Variants in SEMA5B observed in about 807,000 individuals in gnomAD.
SEMA5B encodes the protein semaphorin-5B.
A neutral mutation model predicts 135.0 loss-of-function variants in SEMA5B; 66 were observed. The observed-to-expected ratio is 0.49, with a 90% CI of 0.40 to 0.60. The LOEUF is 0.60. Among genes scored for constraint, SEMA5B ranks in the 20% least tolerant of loss-of-function variants. The probability of loss-of-function intolerance (pLI) is 0.00; values close to 1 mark genes in which losing one functional copy is unlikely to be tolerated. For missense variants in SEMA5B, 1,501 were observed against 1,566.3 expected (o/e 0.96, Z 0.70); for synonymous variants, 690 against 639.5 (o/e 1.08, Z -1.19).
chr3:122,966,559 TA>T (rs1468574317), intron 1 of SEMA5B, among the ~76,000 whole-genome samples: 2,709 of 149,334 alleles, frequency 0.018, 114 homozygotes, highest in African/African-American at 0.055. Flanking sequence ...TTATTATTAT[TA>T]TTATTATTTT....
chr3:122,985,722 C>T (rs548096708), intron 1 of SEMA5B, among the ~76,000 whole-genome samples: 6 of 152,202 alleles, frequency 3.9e-5, no homozygotes, highest in African/African-American at 7.2e-5. Flanking sequence ...GGTGTGAGCT[C>T]GGAGAAAGCT....
chr3:122,969,088 G>A (rs1941004866), intron 1 of SEMA5B, among the ~76,000 whole-genome samples: 1 of 152,162 alleles, frequency 6.6e-6, no homozygotes, highest in Non-Finnish European at 1.5e-5. Flanking sequence ...CAGACAGTGT[G>A]CTAATTATTT....
At chr3:122,955,058 TC>T (rs1483398526) in intron 2 of SEMA5B, among the ~76,000 whole-genome samples, 1 of 150,526 alleles carries the variant, frequency 6.6e-6, no homozygotes, top group Non-Finnish European at 1.5e-5. Context: ...CACCTCAACC[TC>T]CCAAAATGCT....
chr3:122,916,029 C>T (rs1938060507), intron 12 of SEMA5B, 139 bp from the exon 13 acceptor site: 2 of 668,238 alleles, frequency 3.0e-6, no homozygotes, highest in South Asian at 3.5e-5. Context: ...GTTCATTGGG[C>T]CTTTACTGTG....
At chr3:122,961,394 AC>A in intron 1 of SEMA5B, 93 bp from the exon 2 acceptor site, 1 of 1,100,836 alleles carries the variant, frequency 9.1e-7, no homozygotes, top group Non-Finnish European at 1.3e-6. Context: ...CCCAGGGACC[AC>A]ATGGTTGCTG....
rs572301026 is a variant in SEMA5B, at chr3:122,933,488, C to T, written c.475-4430G>A. Reference sequence around the variant, plus strand: ...TTTAGGCTCTGGAAACTTTTAGGATCTTCTCCTTAATAACAGTGTCCTGAA... The same window carrying T: ...TTTAGGCTCTGGAAACTTTTAGGATTTTCTCCTTAATAACAGTGTCCTGAA... On this transcript the variant is annotated intron_variant, in intron 5 of 22. Transcript: ENST00000357599. Among the ~76,000 whole-genome samples, 6 of 152,170 alleles carry T rather than the reference C, an allele frequency of 3.9e-5. No homozygotes were observed. In the South Asian group the frequency reaches 1.0e-3, roughly 26 times the overall value.
intron 1 of SEMA5B, among the ~76,000 whole-genome samples, chr3:123,015,798 A>G (rs920474695): frequency 6.6e-6 from 1 of 152,170 alleles, no homozygotes; most frequent in Non-Finnish European, 1.5e-5. Flanking sequence ...CTCAGTAGAG[A>G]CTTGTGCCAA....
intron 1 of SEMA5B, among the ~76,000 whole-genome samples, chr3:123,013,261 A>T (rs536459370): frequency 2.0e-5 from 3 of 152,298 alleles, no homozygotes; most frequent in East Asian, 3.9e-4. Context: ...GCTAAAACAC[A>T]TGCAGCTTTT....
chr3:122,980,566 A>T (rs1168397892), intron 1 of SEMA5B, among the ~76,000 whole-genome samples: 2 of 151,972 alleles, frequency 1.3e-5, no homozygotes, highest in Middle Eastern at 3.2e-3. Context: ...GAAGACCAGG[A>T]CCAAGGCCAA....
chr3:122,997,210 C>A (rs1202461329), intron 1 of SEMA5B, among the ~76,000 whole-genome samples: 1 of 152,206 alleles, frequency 6.6e-6, no homozygotes, highest in Non-Finnish European at 1.5e-5. Flanking sequence ...GCGTGCCTGA[C>A]CGGACCCAGG....
chr3:123,003,445 A>T (rs973644993), intron 1 of SEMA5B, among the ~76,000 whole-genome samples: 2 of 152,202 alleles, frequency 1.3e-5, no homozygotes, highest in African/African-American at 4.8e-5. Flanking sequence ...AGATAAAAAA[A>T]AAAATCATGT....
At chr3:122,935,677 TCTTTCTTTC>T (rs1422355114) in intron 5 of SEMA5B, among the ~76,000 whole-genome samples, 2 of 116,296 alleles carry the variant, frequency 1.7e-5, no homozygotes, top group East Asian at 4.8e-4. Context: ...TTTTTCTTTT[TCTTTCTTTC>T]TTTTTTTTTT....
At chr3:122,976,519 C>G (rs1176327974) in intron 1 of SEMA5B, among the ~76,000 whole-genome samples, 1 of 152,156 alleles carries the variant, frequency 6.6e-6, no homozygotes, top group Admixed American at 6.5e-5. Context: ...GCCTGTGCAT[C>G]CATGTTTTTT....
chr3:123,022,416 C>T (rs542019759), intron 1 of SEMA5B, among the ~76,000 whole-genome samples: 5 of 152,334 alleles, frequency 3.3e-5, no homozygotes, highest in African/African-American at 7.2e-5. Flanking sequence ...CCTTATTAAA[C>T]GCAGAACAAT....
Position 123,027,625 on chromosome 3 carries a change from G to A in SEMA5B, c.-200C>T, listed in dbSNP as rs1942832389. 6.6e-6 allele frequency: 1 copy of A among 152,140 alleles called. No homozygotes were observed. The highest frequency in any genetic ancestry group is 2.4e-5 in the African/African-American group (1 of 41,430). The allele number at this position is 152,140 out of a possible 1,614,324, so 9.4% of individuals were successfully genotyped here. A position where few individuals can be genotyped will look rare whatever the true frequency, so the allele number is the denominator to read the frequency against. ...CAGCGCTCCGGTGCAGTCCCCACCC[G>A]GGCCCGCGCCCGCTGCGCTCGGGCT... On this transcript the variant is annotated 5_prime_UTR_variant, in exon 1 of 23. Transcript: ENST00000357599.
At chr3:122,972,898 C>A (rs1367161437) in intron 1 of SEMA5B, among the ~76,000 whole-genome samples, 4 of 152,162 alleles carry the variant, frequency 2.6e-5, no homozygotes, top group Non-Finnish European at 5.9e-5. Context: ...TGCCTTCCCA[C>A]CCCGCAGCCT....
intron 1 of SEMA5B, among the ~76,000 whole-genome samples, chr3:123,005,126 C>T (rs996672421): frequency 3.3e-5 from 5 of 152,098 alleles, no homozygotes; most frequent in Non-Finnish European, 5.9e-5. Context: ...TTCACTCAAG[C>T]ACCATAGCCA....
intron 1 of SEMA5B, among the ~76,000 whole-genome samples, chr3:122,996,573 G>A (rs967769377): frequency 1.3e-5 from 2 of 152,226 alleles, no homozygotes; most frequent in Non-Finnish European, 2.9e-5. Context: ...TGAGAGCACT[G>A]TCTTGGTTTG....
intron 1 of SEMA5B, among the ~76,000 whole-genome samples, chr3:123,002,239 G>A (rs1038853737): frequency 1.3e-5 from 2 of 152,148 alleles, no homozygotes; most frequent in East Asian, 1.9e-4. Context: ...CATCACGGAT[G>A]GGGGATGGAG....
Sources: allele counts gnomAD v4.1 joint callset (sites outside exome capture counted in the v4.1 genomes callset), GRCh38; gene constraint gnomAD v4.1.1; transcripts MANE v1.5; gene names NCBI Gene and HGNC (gene_info 2026-07-23, HGNC 2026-07-21).